Variants in HYCC1 observed in about 807,000 individuals in gnomAD.
HYCC1 encodes the protein hyccin.
At chr7:23,002,182 A>ATATATAT in the HYCC1 span, among the ~76,000 whole-genome samples, 1 of 129,868 alleles carries the variant, frequency 7.7e-6, no homozygotes. Context: ...ATATACATAT[A>ATATATAT]GTTTGCGGCT....
At chr7:22,913,426 G>A in the HYCC1 span, among the ~76,000 whole-genome samples, 1 of 152,160 alleles carries the variant, frequency 6.6e-6, no homozygotes, top group Non-Finnish European at 1.5e-5. Context: ...CACACCCAAG[G>A]CAATGCCCTC....
At chr7:22,898,764 G>A in the HYCC1 span, among the ~76,000 whole-genome samples, 37 of 151,310 alleles carry the variant, frequency 2.4e-4, no homozygotes, top group African/African-American at 3.6e-4. Context: ...CACCACACCC[G>A]GATAATTTTT....
the HYCC1 span, among the ~76,000 whole-genome samples, chr7:23,006,425 C>A: frequency 5.3e-5 from 8 of 152,076 alleles, no homozygotes; most frequent in Non-Finnish European, 1.0e-4. Flanking sequence ...TGCCACCACA[C>A]CTGGCTAATT....
chr7:22,946,001 C>T, the HYCC1 span: 2 of 1,613,780 alleles, frequency 1.2e-6, no homozygotes, highest in Non-Finnish European at 1.7e-6. Flanking sequence ...TTTGCTTCCT[C>T]CTGACCGTCT....
the HYCC1 span, among the ~76,000 whole-genome samples, chr7:22,969,775 C>T: frequency 3.3e-5 from 5 of 152,112 alleles, no homozygotes; most frequent in African/African-American, 9.7e-5. Context: ...CTACCCACAT[C>T]GGCCTCCCAA....
chr7:22,946,219 T>C, the HYCC1 span: 1 of 1,396,418 alleles, frequency 7.2e-7, no homozygotes, highest in Non-Finnish European at 1.0e-6. Flanking sequence ...GCAATCTTTT[T>C]AAATGATTAA....
chr7:22,928,459 C>T, the HYCC1 span, among the ~76,000 whole-genome samples: 1 of 152,188 alleles, frequency 6.6e-6, no homozygotes, highest in Non-Finnish European at 1.5e-5. Context: ...CCCAAAATCT[C>T]CTTAAGCTGA....
At chr7:22,962,025 C>A in the HYCC1 span, among the ~76,000 whole-genome samples, 53 of 152,006 alleles carry the variant, frequency 3.5e-4, no homozygotes, top group Non-Finnish European at 6.9e-4. Context: ...GCAAGCGAGG[C>A]CTAAAAACTG....
chr7:22,908,179 C>T, the HYCC1 span, among the ~76,000 whole-genome samples: 1 of 152,290 alleles, frequency 6.6e-6, no homozygotes, highest in East Asian at 1.9e-4. Context: ...TAGGGAAATG[C>T]ACAAGGCATA....
At chr7:22,938,122 A>G in the HYCC1 span, 15 of 152,326 alleles carry the variant, frequency 9.8e-5, no homozygotes, top group African/African-American at 2.9e-4. Context: ...CCCAGGAAAG[A>G]TAAGATTACA....
chr7:22,935,818 T>A, the HYCC1 span: 1 of 151,728 alleles, frequency 6.6e-6, no homozygotes, highest in African/African-American at 2.4e-5. Context: ...GCTAATTTTT[T>A]TTGTATTTTT....
the HYCC1 span, among the ~76,000 whole-genome samples, chr7:22,946,494 T>C: frequency 6.6e-6 from 1 of 151,960 alleles, no homozygotes; most frequent in Non-Finnish European, 1.5e-5. Flanking sequence ...AGGGGTGAAC[T>C]CTCCTTCAGT....
the HYCC1 span, among the ~76,000 whole-genome samples, chr7:22,930,118 C>T: frequency 4.2e-5 from 6 of 141,874 alleles, no homozygotes; most frequent in East Asian, 2.0e-4. Flanking sequence ...TGCATGTTCT[C>T]ACTCATAGGT....
chr7:22,905,386 A>ATTTTTTTTTTTTTTTTTTT, the HYCC1 span, among the ~76,000 whole-genome samples: 5 of 44,470 alleles, frequency 1.1e-4, no homozygotes, highest in East Asian at 2.5e-3. Flanking sequence ...CTAATTTTGT[A>ATTTTTTTTTTTTTTTTTTT]TTTTTTTTTT....
chr7:22,915,234 C>T, the HYCC1 span, among the ~76,000 whole-genome samples: 9 of 152,190 alleles, frequency 5.9e-5, no homozygotes, highest in Non-Finnish European at 8.8e-5. Context: ...TAATTAACCT[C>T]GCCTTCAAGG....
At chr7:22,939,870 TTA>T in the HYCC1 span, 6 of 152,174 alleles carry the variant, frequency 3.9e-5, no homozygotes, top group African/African-American at 1.4e-4. Context: ...GATGATCATT[TTA>T]ATTACACATA....
the HYCC1 span, among the ~76,000 whole-genome samples, chr7:22,970,728 G>T: frequency 6.6e-6 from 1 of 152,126 alleles, no homozygotes; most frequent in African/African-American, 2.4e-5. Flanking sequence ...TCTGAATTAG[G>T]TTTTTTCTGA....
the HYCC1 span, among the ~76,000 whole-genome samples, chr7:22,929,513 G>A: frequency 2.0e-3 from 305 of 151,814 alleles, no homozygotes; most frequent in Non-Finnish European, 3.3e-3. Flanking sequence ...ACAAACAACC[G>A]CATCAAAAAG....
At chr7:22,911,626 C>T in the HYCC1 span, among the ~76,000 whole-genome samples, 9 of 152,114 alleles carry the variant, frequency 5.9e-5, no homozygotes, top group East Asian at 7.7e-4. Flanking sequence ...GGCGTGGTGG[C>T]GCACACCTGT....
Sources: allele counts gnomAD v4.1 joint callset (sites outside exome capture counted in the v4.1 genomes callset), GRCh38; gene constraint gnomAD v4.1.1; transcripts MANE v1.5; gene names NCBI Gene and HGNC (gene_info 2026-07-23, HGNC 2026-07-21).